Variants in TENM1 observed in about 807,000 individuals in gnomAD.
TENM1 encodes teneurin-1.
In TENM1, 35 loss-of-function variants were observed where a neutral mutation model predicts 174.8. That is an observed-to-expected ratio of 0.20 (90% CI 0.15 to 0.27). TENM1 has a LOEUF of 0.27. Ranked by LOEUF, TENM1 falls within the 10% of genes least tolerant of loss-of-function variation. The probability of loss-of-function intolerance (pLI) is 1.00; values close to 1 mark genes in which losing one functional copy is unlikely to be tolerated. For missense variants in TENM1, 1,633 were observed against 2,130.1 expected (o/e 0.77, Z 4.59); for synonymous variants, 781 against 798.7 (o/e 0.98, Z 0.37).
intron 1 of TENM1, among the ~76,000 whole-genome samples, chrX:124,929,944 T>A (rs2058145290): frequency 8.9e-6 from 1 of 111,942 alleles, no homozygotes; most frequent in African/African-American, 3.2e-5. Context: ...GTAAAGGATT[T>A]AATTCCAAGA....
At chrX:125,106,499 TC>T in the TENM1 span, among the ~76,000 whole-genome samples, 1 of 108,901 alleles carries the variant, frequency 9.2e-6, no homozygotes, top group Non-Finnish European at 1.9e-5. Flanking sequence ...AAGCTGTGCC[TC>T]CCGGGTTCAC....
exon 32 of TENM1, chrX:124,379,973 A>G (rs1171608237): frequency 8.9e-6 from 1 of 112,413 alleles, no homozygotes; most frequent in Non-Finnish European, 1.9e-5. Flanking sequence ...CATTTACTTT[A>G]ACAAGCAAGG....
intron 11 of TENM1, among the ~76,000 whole-genome samples, chrX:124,630,971 G>A (rs2050742084): frequency 8.9e-6 from 1 of 112,017 alleles, no homozygotes; most frequent in Non-Finnish European, 1.9e-5. Context: ...AGCGTAGGCA[G>A]GTTTCTGACA....
At chrX:124,881,373 TTA>T (rs2057298634) in intron 3 of TENM1, among the ~76,000 whole-genome samples, 1 of 111,654 alleles carries the variant, frequency 9.0e-6, no homozygotes, top group Non-Finnish European at 1.9e-5. Flanking sequence ...TCAGTTTTTG[TTA>T]TGTCTCTTTT....
the TENM1 span, among the ~76,000 whole-genome samples, chrX:125,021,575 A>T: frequency 9.3e-6 from 1 of 107,458 alleles, no homozygotes; most frequent in Non-Finnish European, 1.9e-5. Flanking sequence ...TTAAGTCAGG[A>T]TCTGGCAAAC....
chrX:125,142,273 C>A, the TENM1 span, among the ~76,000 whole-genome samples: 1 of 111,378 alleles, frequency 9.0e-6, no homozygotes, highest in Admixed American at 9.6e-5. Context: ...CATGATTTCC[C>A]TAGATAGCTG....
At chrX:124,587,380 T>C (rs1484286608) in intron 11 of TENM1, among the ~76,000 whole-genome samples, 1 of 106,831 alleles carries the variant, frequency 9.4e-6, no homozygotes, top group African/African-American at 3.4e-5. Context: ...TCAGAAATAA[T>C]GCCACATATC....
chrX:124,824,433 C>T (rs1277763075), intron 3 of TENM1, among the ~76,000 whole-genome samples: 1 of 111,739 alleles, frequency 8.9e-6, no homozygotes, highest in East Asian at 2.8e-4. Flanking sequence ...AAAGACAACA[C>T]TAAGTGTGGT....
intron 23 of TENM1, among the ~76,000 whole-genome samples, chrX:124,435,584 T>C (rs5911841): frequency 0.34 from 37,781 of 111,000 alleles, 5,232 homozygotes; most frequent in East Asian, 0.87. Flanking sequence ...TACTCAAAAG[T>C]TCATTTCAAG....
At chrX:124,407,496 A>T (rs1055099054) in intron 25 of TENM1, among the ~76,000 whole-genome samples, 1 of 112,585 alleles carries the variant, frequency 8.9e-6, no homozygotes, top group Non-Finnish European at 1.9e-5. Flanking sequence ...TTCAGCCTGG[A>T]CACAATGGTA....
At chrX:124,809,843 GGAGAGAGAGAGA>G (rs4027522) in intron 3 of TENM1, among the ~76,000 whole-genome samples, 1 of 78,673 alleles carries the variant, frequency 1.3e-5, no homozygotes, top group Non-Finnish European at 2.4e-5. Flanking sequence ...CATGACAGCA[GGAGAGAGAGAGA>G]GAGAGAGAGA....
the TENM1 span, among the ~76,000 whole-genome samples, chrX:125,120,991 T>C: frequency 9.0e-6 from 1 of 111,656 alleles, no homozygotes; most frequent in African/African-American, 3.3e-5. Context: ...TTCCAACATG[T>C]TATCATTAAA....
chrX:124,885,487 T>TA (rs1208796289), intron 3 of TENM1, among the ~76,000 whole-genome samples: 1 of 111,099 alleles, frequency 9.0e-6, no homozygotes, highest in Non-Finnish European at 1.9e-5. Flanking sequence ...TACATCTACC[T>TA]AATTAATATA....
chrX:124,578,094 T>TA (rs35737332), intron 11 of TENM1, among the ~76,000 whole-genome samples: 26,379 of 106,966 alleles, frequency 0.25, 2,734 homozygotes, highest in South Asian at 0.4. Flanking sequence ...CCCAGCTAAT[T>TA]AAAAAAAATT....
intron 6 of TENM1, among the ~76,000 whole-genome samples, chrX:124,666,823 C>T (rs973382851): frequency 1.8e-5 from 2 of 111,671 alleles, no homozygotes; most frequent in Admixed American, 9.6e-5. Context: ...GATTGCAACA[C>T]GATCCCACCA....
chrX:124,396,847 A>G (rs1434754880), intron 27 of TENM1, among the ~76,000 whole-genome samples: 1 of 111,961 alleles, frequency 8.9e-6, no homozygotes. Context: ...AAGGGGGGGA[A>G]AAAAGGATTG....
the TENM1 span, among the ~76,000 whole-genome samples, chrX:124,972,682 G>A: frequency 8.9e-6 from 1 of 112,106 alleles, no homozygotes; most frequent in Non-Finnish European, 1.9e-5. Context: ...TAACATTTTA[G>A]TATATAAAAA....
chrX:125,061,364 T>C, the TENM1 span, among the ~76,000 whole-genome samples: 12,879 of 111,623 alleles, frequency 0.12, 1,814 homozygotes, highest in African/African-American at 0.4. Flanking sequence ...ATACCTCCTC[T>C]AGGAGAACAT....
At chrX:124,435,418 T>C (rs769505712) in intron 23 of TENM1, among the ~76,000 whole-genome samples, 4 of 111,962 alleles carry the variant, frequency 3.6e-5, no homozygotes, top group Non-Finnish European at 7.5e-5. Context: ...TCAGCCACTC[T>C]GAGATTATGT....
Sources: allele counts gnomAD v4.1 joint callset (sites outside exome capture counted in the v4.1 genomes callset), GRCh38; gene constraint gnomAD v4.1.1; transcripts MANE v1.5; gene names NCBI Gene and HGNC (gene_info 2026-07-23, HGNC 2026-07-21).